Variants in COL23A1 observed in about 807,000 individuals in gnomAD.
The protein encoded by COL23A1 is collagen type XXIII alpha 1 chain.
Under a neutral mutation model 99.3 loss-of-function variants are expected in COL23A1, and 97 were observed. That is an observed-to-expected ratio of 0.98 (90% CI 0.83 to 1.16). The LOEUF is 1.16. COL23A1 is among the 50% of genes most tolerant of loss of function. The pLI is 0.00. For synonymous variants in COL23A1, 320 were observed against 308.2 expected, an observed-to-expected ratio of 1.04 and a Z score of -0.40; for missense variants, 762 against 757.4, an observed-to-expected ratio of 1.01 and a Z score of -0.07.
chr5:178,269,119 A>G (rs1756077278), intron 6 of COL23A1, among the ~76,000 whole-genome samples: 1 of 152,122 alleles, frequency 6.6e-6, no homozygotes, highest in Admixed American at 6.5e-5. Context: ...ACTGCCCCCA[A>G]GCCATCTTTC....
intron 2 of COL23A1, among the ~76,000 whole-genome samples, chr5:178,553,239 G>T (rs1762102811): frequency 6.6e-6 from 1 of 151,282 alleles, no homozygotes; most frequent in Non-Finnish European, 1.5e-5. Context: ...GCCAACAAAG[G>T]CAGTAAGGCA....
chr5:178,502,499 G>C (rs1217279261), intron 2 of COL23A1, among the ~76,000 whole-genome samples: 1 of 152,160 alleles, frequency 6.6e-6, no homozygotes, highest in Non-Finnish European at 1.5e-5. Context: ...CACATGGAAA[G>C]ATCCTCAGTG....
In COL23A1 at chr5:178,478,901, C is replaced by T. The variant is rs181418843; in HGVS notation, c.361+81781G>A. 4.0e-3 allele frequency among the ~76,000 whole-genome samples: 614 copies of T among 152,294 alleles called. 9 individuals are homozygous for T. The highest frequency in any genetic ancestry group is 0.014 in the African/African-American group (577 of 41,554). ...GCTCCAGAAAGGCATGCGGCACAGA[C>T]TCTGCCAGAATTTCTGGATTCGGGT... On this transcript the variant is annotated intron_variant, in intron 2 of 28. Coordinates refer to ENST00000390654, the MANE Select transcript of COL23A1 (RefSeq NM_173465.4).
chr5:178,321,384 C>G (rs984829225), intron 2 of COL23A1, among the ~76,000 whole-genome samples: 7 of 152,012 alleles, frequency 4.6e-5, no homozygotes, highest in African/African-American at 7.3e-5. Context: ...ACAAGCGGAG[C>G]TCAGCAGCAT....
intron 2 of COL23A1, among the ~76,000 whole-genome samples, chr5:178,412,065 C>A (rs192711976): frequency 6.6e-6 from 1 of 152,084 alleles, no homozygotes; most frequent in Non-Finnish European, 1.5e-5. Context: ...CATGAATGTA[C>A]GTGTAACTGT....
At chr5:178,453,783 C>T (rs1174000985) in intron 2 of COL23A1, among the ~76,000 whole-genome samples, 1 of 152,130 alleles carries the variant, frequency 6.6e-6, no homozygotes, top group African/African-American at 2.4e-5. Context: ...GTAGCAGTAG[C>T]AGACGAGGAA....
At chr5:178,392,953 C>A (rs930988927) in intron 2 of COL23A1, among the ~76,000 whole-genome samples, 1 of 152,206 alleles carries the variant, frequency 6.6e-6, no homozygotes, top group Non-Finnish European at 1.5e-5. Flanking sequence ...CAGTACAGAA[C>A]GCCCTCCCTC....
chr5:178,297,366 T>A (rs2973781), intron 3 of COL23A1, among the ~76,000 whole-genome samples: 100,143 of 152,026 alleles, frequency 0.66, 33,595 homozygotes, highest in African/African-American at 0.71. Flanking sequence ...ACTAAAACAA[T>A]TATTAGCTGG....
intron 1 of COL23A1, among the ~76,000 whole-genome samples, chr5:178,582,049 C>T (rs963949280): frequency 4.6e-5 from 7 of 151,362 alleles, no homozygotes; most frequent in Admixed American, 1.3e-4. Context: ...GAAAAAAGTG[C>T]GGGGCAGGGG....
At chr5:178,513,172 T>G (rs1759307060) in intron 2 of COL23A1, among the ~76,000 whole-genome samples, 1 of 152,166 alleles carries the variant, frequency 6.6e-6, no homozygotes, top group Non-Finnish European at 1.5e-5. Context: ...GAGCTTCAGC[T>G]GGGCCCTGGA....
At chr5:178,501,917 C>T (rs1758557856) in intron 2 of COL23A1, among the ~76,000 whole-genome samples, 1 of 152,170 alleles carries the variant, frequency 6.6e-6, no homozygotes, top group African/African-American at 2.4e-5. Context: ...GTGGGCGGCA[C>T]CCACCCTTCC....
chr5:178,498,251 T>C (rs1474936231), intron 2 of COL23A1, among the ~76,000 whole-genome samples: 2 of 58,450 alleles, frequency 3.4e-5, no homozygotes, highest in Non-Finnish European at 5.7e-5. Flanking sequence ...TATATATATA[T>C]ATATATAAAA....
chr5:178,461,274 T>C (rs1756107947), intron 2 of COL23A1, among the ~76,000 whole-genome samples: 1 of 152,204 alleles, frequency 6.6e-6, no homozygotes, highest in African/African-American at 2.4e-5. Flanking sequence ...CATGTCCTGG[T>C]GACCTCTCCT....
intron 4 of COL23A1, among the ~76,000 whole-genome samples, chr5:178,289,156 C>T (rs1405955525): frequency 1.3e-5 from 2 of 151,952 alleles, no homozygotes; most frequent in African/African-American, 4.8e-5. Flanking sequence ...CACCGAGAAG[C>T]CCAGATTCCG....
At chr5:178,403,934 G>A (rs17052419) in intron 2 of COL23A1, among the ~76,000 whole-genome samples, 2,546 of 152,318 alleles carry the variant, frequency 0.017, 59 homozygotes, top group African/African-American at 0.045. Flanking sequence ...CCAGCTTCTC[G>A]TAACAAAAGC....
rs554312760 is a variant in COL23A1 at position 178,468,648 on chromosome 5, G to C, written c.361+92034C>G. 6.6e-6 allele frequency among the ~76,000 whole-genome samples: 1 copy of C among 152,254 alleles called. No homozygotes were observed. Among genetic ancestry groups the C allele is most frequent in the South Asian group, 2.1e-4 (1 of 4,820 alleles). On this transcript the variant is annotated intron_variant, in intron 2 of 28. Transcript: ENST00000390654. The surrounding 1 kb of genome is among the most constrained non-coding windows in gnomAD (Gnocchi z 4.2). ...CAGCCTGGAGGGAAGGGCCGGGTCC[G>C]AGGTCACGGAGCCTGCAGCTCTCCT...
At chr5:178,518,645 C>T (rs1285545004) in intron 2 of COL23A1, among the ~76,000 whole-genome samples, 1 of 119,420 alleles carries the variant, frequency 8.4e-6, no homozygotes, top group Admixed American at 7.5e-5. Flanking sequence ...AGACGCTCCT[C>T]ACTTCCTAGA....
intron 2 of COL23A1, among the ~76,000 whole-genome samples, chr5:178,359,814 A>G (rs1762081743): frequency 6.6e-6 from 1 of 152,210 alleles, no homozygotes; most frequent in African/African-American, 2.4e-5. Context: ...GAAATAGCCT[A>G]TTTCTAGGGA....
intron 2 of COL23A1, among the ~76,000 whole-genome samples, chr5:178,396,822 G>A (rs1233808435): frequency 6.7e-6 from 1 of 149,240 alleles, no homozygotes; most frequent in Non-Finnish European, 1.5e-5. Context: ...GCTTGGTTCC[G>A]GCCCCGGCTG....
Sources: allele counts gnomAD v4.1 joint callset (sites outside exome capture counted in the v4.1 genomes callset), GRCh38; gene constraint gnomAD v4.1.1; non-coding constraint Gnocchi (gnomAD v3.1); transcripts MANE v1.5; gene names NCBI Gene and HGNC (gene_info 2026-07-23, HGNC 2026-07-21).